B4GALT6: variants seen among roughly 807,000 people sequenced by gnomAD.
B4GALT6 encodes beta-1,4-galactosyltransferase 6, also known as UDP-Gal:beta-GlcNAc beta-1,4-galactosyltransferase 6.
A neutral mutation model predicts 46.3 loss-of-function variants in B4GALT6; 14 were observed. The ratio of observed to expected loss-of-function variants is 0.30; its 90% CI spans 0.20 to 0.47. The LOEUF is 0.47. B4GALT6 is among the 20% of genes least tolerant of loss of function. B4GALT6 has a pLI of 0.99. For synonymous variants in B4GALT6, 168 were observed against 162.0 expected, an observed-to-expected ratio of 1.04 and a Z score of -0.28; for missense variants, 386 against 480.1, an observed-to-expected ratio of 0.80 and a Z score of 1.83.
intron 3 of B4GALT6, among the ~76,000 whole-genome samples, chr18:31,654,934 T>G (rs993498890): frequency 3.9e-5 from 6 of 152,212 alleles, no homozygotes; most frequent in African/African-American, 1.4e-4. Context: ...ACTTCTAAAC[T>G]CCACACATTT....
At chr18:31,689,595 T>A (rs2030039794), upstream of B4GALT6, among the ~76,000 whole-genome samples, 1 of 151,874 alleles carries the variant, frequency 6.6e-6, no homozygotes, top group African/African-American at 2.4e-5. Flanking sequence ...ATATAAAAAA[T>A]TAGCTGGGCA....
chr18:31,683,057 C>T lies in B4GALT6; in HGVS notation c.115+1255G>A, dbSNP rs867404982. On this transcript the variant is annotated intron_variant, in intron 1 of 8. Transcript: ENST00000306851. Reference sequence around the variant, plus strand: ...ACCCTAAAACTTCTATTTTGGGATACGTCAACGTTTCACAATGCATTTCTT... The same window carrying T: ...ACCCTAAAACTTCTATTTTGGGATATGTCAACGTTTCACAATGCATTTCTT... Among the ~76,000 whole-genome samples the T allele has an allele frequency of 4.6e-5, 7 of 152,242 alleles. No individual in the cohort carries two copies. The Middle Eastern group carries it at 0.014, about 296-fold the overall frequency.
At chr18:31,668,364 T>C (rs2074307507) in intron 1 of B4GALT6, among the ~76,000 whole-genome samples, 1 of 152,144 alleles carries the variant, frequency 6.6e-6, no homozygotes, top group African/African-American at 2.4e-5. Context: ...GGTACTATGC[T>C]CACTACCTAG....
At position 31,682,479 on chromosome 18, in the gene B4GALT6, G is replaced by A. The variant is rs568705034; in HGVS notation, c.115+1833C>T. ...ATCAATCTAATTGCCTACAAGACAC[G>A]TGCCAACATTTTTACATTATATCAG... On this transcript the variant is annotated intron_variant, in intron 1 of 8. Transcript: ENST00000306851. 7.9e-5 allele frequency among the ~76,000 whole-genome samples: 12 copies of A among 152,224 alleles called. No individual in the cohort carries two copies. The East Asian group carries it at 1.5e-3, about 20-fold the overall frequency.
chr18:31,712,800 C>T, the B4GALT6 span, among the ~76,000 whole-genome samples: 2 of 152,116 alleles, frequency 1.3e-5, no homozygotes, highest in African/African-American at 4.8e-5. Flanking sequence ...GGTTCCTTTC[C>T]AATTCCAAAT....
intron 1 of B4GALT6, among the ~76,000 whole-genome samples, chr18:31,674,798 T>C (rs1484853415): frequency 1.3e-5 from 2 of 152,098 alleles, no homozygotes; most frequent in African/African-American, 4.8e-5. Flanking sequence ...CTAAGGAAGG[T>C]ATTACTTGGA....
At chr18:31,712,287 A>ACTTTTTTTTTTTTTTT in the B4GALT6 span, among the ~76,000 whole-genome samples, 1 of 84,642 alleles carries the variant, frequency 1.2e-5, no homozygotes, top group African/African-American at 5.1e-5. Context: ...CTGGGACGTT[A>ACTTTTTTTTTTTTTTT]TTTTTTTTTT....
chr18:31,676,932 CAT>C (rs1350384161), intron 1 of B4GALT6, among the ~76,000 whole-genome samples: 1 of 152,200 alleles, frequency 6.6e-6, no homozygotes, highest in Non-Finnish European at 1.5e-5. Context: ...ATTCTCCACA[CAT>C]AACATTTGTA....
the B4GALT6 span, among the ~76,000 whole-genome samples, chr18:31,699,632 C>A: frequency 9.1e-6 from 1 of 110,148 alleles, no homozygotes; most frequent in Non-Finnish European, 1.8e-5. Context: ...TGAGTCTCTT[C>A]CTGGAAAAAA....
At chr18:31,681,116 T>TCTAA (rs1555641962) in intron 1 of B4GALT6, among the ~76,000 whole-genome samples, 2 of 152,074 alleles carry the variant, frequency 1.3e-5, no homozygotes, top group East Asian at 3.9e-4. Flanking sequence ...CTTCCATACC[T>TCTAA]CAATGTCCAG....
chr18:31,626,136 T>C (rs2073693318), intron 8 of B4GALT6, 147 bp downstream of exon 8: 3 of 530,302 alleles, frequency 5.7e-6, no homozygotes, highest in Non-Finnish European at 1.0e-5. Flanking sequence ...CTTCCTTTTG[T>C]AAAGATTCCC....
chr18:31,685,270 C>A (rs1001360640), upstream of B4GALT6, among the ~76,000 whole-genome samples: 30 of 149,442 alleles, frequency 2.0e-4, no homozygotes, highest in Non-Finnish European at 2.7e-4. Context: ...GGCCCGCGGA[C>A]ACCAGGCGAA....
chr18:31,715,260 C>G, the B4GALT6 span, among the ~76,000 whole-genome samples: 2 of 152,160 alleles, frequency 1.3e-5, no homozygotes, highest in Non-Finnish European at 2.9e-5. Flanking sequence ...GGGTCTCACT[C>G]TGTCACCCAG....
At chr18:31,711,713 A>G in the B4GALT6 span, among the ~76,000 whole-genome samples, 2 of 152,136 alleles carry the variant, frequency 1.3e-5, no homozygotes, top group Non-Finnish European at 2.9e-5. Context: ...AAGCCATACT[A>G]TCAACTCTAT....
rs186830958 is a variant in B4GALT6, at chr18:31,628,910, T to C, written c.777-1789A>G. 2.1e-3 allele frequency among the ~76,000 whole-genome samples: 326 copies of C among 152,348 alleles called. 3 individuals are homozygous for C. Among genetic ancestry groups the C allele is most frequent in the Middle Eastern group, 6.8e-3 (2 of 294 alleles). ...AATTTCTTTTTCAATAAAAGTTACA[T>C]AGAATGTGCCTCTCCTGCCTCCTTT... On this transcript the variant is annotated intron_variant, in intron 6 of 8. Transcript: ENST00000306851.
chr18:31,650,972 TAGACAG>T (rs1159659588), intron 3 of B4GALT6, among the ~76,000 whole-genome samples: 2 of 152,174 alleles, frequency 1.3e-5, no homozygotes, highest in Non-Finnish European at 2.9e-5. Context: ...TTCACCGTGT[TAGACAG>T]GATGGTCTCA....
chr18:31,622,900 A>G lies in B4GALT6; in HGVS notation c.*2714T>C, dbSNP rs2073635948. On this transcript the variant is annotated 3_prime_UTR_variant, in exon 9 of 9. Transcript: ENST00000306851. ...TCATTACTTCTTTCTGTAGTTGAAA[A>G]GCACCATGTAATTTTCCCAGTTAGT... The G allele has an allele frequency of 1.3e-5, 2 of 152,186 alleles. No homozygotes were observed. The highest frequency in any genetic ancestry group is 4.8e-5 in the African/African-American group (2 of 41,568). The allele number at this position is 152,186 out of a possible 1,614,324, so 9.4% of individuals were successfully genotyped here.
chr18:31,684,872 G>T, upstream of B4GALT6: 1 of 732,816 alleles, frequency 1.4e-6, no homozygotes, highest in Non-Finnish European at 1.7e-6. Flanking sequence ...GCGCCCGGCG[G>T]GGTCCCGCCG....
chr18:31,650,593 G>T (rs578086118), intron 3 of B4GALT6, among the ~76,000 whole-genome samples: 1 of 152,342 alleles, frequency 6.6e-6, no homozygotes, highest in South Asian at 2.1e-4. Flanking sequence ...TGTTCTGGCT[G>T]CTCAATTTCT....
Sources: allele counts gnomAD v4.1 joint callset (sites outside exome capture counted in the v4.1 genomes callset), GRCh38; gene constraint gnomAD v4.1.1; transcripts MANE v1.5; gene names NCBI Gene and HGNC (gene_info 2026-07-23, HGNC 2026-07-21).